The following TSGA10 variants were observed in gnomAD, a reference collection of about 807,000 sequenced individuals.
The protein encoded by TSGA10 is testis specific 10.
In TSGA10, 43 loss-of-function variants were observed where a neutral mutation model predicts 96.6. The observed-to-expected ratio is 0.44, with a 90% CI of 0.35 to 0.57. The LOEUF (loss-of-function observed/expected upper bound fraction) is 0.57, where lower values mean the gene tolerates loss of function less well. TSGA10 is among the 20% of genes least tolerant of loss of function. The pLI, the probability that TSGA10 is intolerant of heterozygous loss-of-function variation, is 0.01. For missense variants in TSGA10, 703 were observed against 834.4 expected, an observed-to-expected ratio of 0.84 and a Z score of 1.94; for synonymous variants, 229 against 269.9, an observed-to-expected ratio of 0.85 and a Z score of 1.48.
At chr2:99,003,392 G>A (rs1334371736) in intron 20 of TSGA10, among the ~76,000 whole-genome samples, 1 of 152,122 alleles carries the variant, frequency 6.6e-6, no homozygotes, top group African/African-American at 2.4e-5. Context: ...ACAGATCAAC[G>A]AGAAAGAAAC....
chr2:99,002,664 T>C (rs1322094296), intron 20 of TSGA10, among the ~76,000 whole-genome samples: 5 of 152,136 alleles, frequency 3.3e-5, no homozygotes, highest in African/African-American at 1.2e-4. Context: ...ATGGGCTAAA[T>C]ACTCCAATTA....
At chr2:99,152,288 C>A (rs1484767166) in intron 1 of TSGA10, among the ~76,000 whole-genome samples, 3 of 152,124 alleles carry the variant, frequency 2.0e-5, no homozygotes, top group African/African-American at 7.2e-5. Flanking sequence ...AGACATACCA[C>A]ATAAAACTGA....
intron 2 of TSGA10, among the ~76,000 whole-genome samples, chr2:99,119,085 T>C (rs1183828632): frequency 1.3e-5 from 2 of 152,198 alleles, no homozygotes; most frequent in African/African-American, 4.8e-5. Context: ...ATTCTTGCCC[T>C]GAGGTTGCCC....
At chr2:99,051,336 G>A (rs1037013960) in intron 16 of TSGA10, among the ~76,000 whole-genome samples, 3 of 152,112 alleles carry the variant, frequency 2.0e-5, no homozygotes, top group Non-Finnish European at 4.4e-5. Flanking sequence ...AGCTGAAGTG[G>A]TTATGATAAT....
intron 3 of TSGA10, 64 bp from the exon 4 acceptor site, chr2:99,117,823 G>T: frequency 1.3e-6 from 1 of 795,112 alleles, no homozygotes; most frequent in Non-Finnish European, 1.5e-6. Flanking sequence ...GGGAGCAGCT[G>T]TGTGACTGGA....
intron 17 of TSGA10, among the ~76,000 whole-genome samples, chr2:99,027,161 A>C (rs1408450721): frequency 6.6e-6 from 1 of 152,216 alleles, no homozygotes; most frequent in African/African-American, 2.4e-5. Context: ...CTGTGGTAAC[A>C]GGCTATGGGC....
intron 1 of TSGA10, among the ~76,000 whole-genome samples, chr2:99,129,259 C>T (rs2092961581): frequency 1.3e-5 from 2 of 152,094 alleles, no homozygotes; most frequent in Non-Finnish European, 2.9e-5. Flanking sequence ...TGGATGTCTT[C>T]CTCACACATT....
At chr2:99,057,240 T>C (rs973720916) in intron 16 of TSGA10, among the ~76,000 whole-genome samples, 1 of 151,870 alleles carries the variant, frequency 6.6e-6, no homozygotes, top group Non-Finnish European at 1.5e-5. Context: ...GGCAAGAAAA[T>C]AAAATAAAAG....
intron 10 of TSGA10, among the ~76,000 whole-genome samples, chr2:99,099,177 T>G (rs997173946): frequency 6.6e-6 from 1 of 152,150 alleles, no homozygotes; most frequent in South Asian, 2.1e-4. Context: ...CTGGGGGTAG[T>G]GGCGCGTGCC....
At position 99,129,827 on chromosome 2, in the gene TSGA10, C is replaced by A. The variant is rs11895749; in HGVS notation, c.-620-2651G>T. On this transcript the variant is annotated intron_variant, in intron 1 of 20. Coordinates refer to ENST00000393483, the MANE Select transcript of TSGA10 (RefSeq NM_025244.4). Reference sequence around the variant, plus strand: ...GACAGGCCCTGGTATATGATGTTCCCCTCCCTGTGTCCATGAGTTCTCACT... The same window carrying A: ...GACAGGCCCTGGTATATGATGTTCCACTCCCTGTGTCCATGAGTTCTCACT... Among the ~76,000 whole-genome samples the A allele has an allele frequency of 9.2e-5, 14 of 152,084 alleles. No homozygotes were observed. In the South Asian group the frequency reaches 2.9e-3, roughly 32 times the overall value.
At chr2:99,058,793 T>C (rs542179789) in intron 16 of TSGA10, among the ~76,000 whole-genome samples, 1 of 151,906 alleles carries the variant, frequency 6.6e-6, no homozygotes, top group East Asian at 1.9e-4. Context: ...ATCCCAGCAC[T>C]TTGGGAGGTT....
chr2:99,066,410 T>C (rs185547833), intron 15 of TSGA10, among the ~76,000 whole-genome samples: 43 of 152,300 alleles, frequency 2.8e-4, no homozygotes, highest in Admixed American at 1.0e-3. Flanking sequence ...TGTATTCACA[T>C]TGATCTTTAC....
intron 1 of TSGA10, among the ~76,000 whole-genome samples, chr2:99,135,722 G>A (rs2105060975): frequency 6.6e-6 from 1 of 152,244 alleles, no homozygotes; most frequent in South Asian, 2.1e-4. Context: ...AAGAGTATCT[G>A]CATTGGCTGG....
chr2:99,026,771 TAAG>T (rs1245756813), intron 17 of TSGA10, among the ~76,000 whole-genome samples: 2 of 152,062 alleles, frequency 1.3e-5, no homozygotes, highest in Non-Finnish European at 2.9e-5. Flanking sequence ...AAGTCATACT[TAAG>T]GAGGTAAAGT....
At chr2:99,119,595 C>T (rs1434236323) in intron 2 of TSGA10, among the ~76,000 whole-genome samples, 1 of 152,022 alleles carries the variant, frequency 6.6e-6, no homozygotes, top group South Asian at 2.1e-4. Context: ...CAAGGAAAAC[C>T]CTACTTAGGC....
At chr2:99,141,064 GC>G in intron 1 of TSGA10, 1 of 1,275,686 alleles carries the variant, frequency 7.8e-7, no homozygotes, top group Non-Finnish European at 1.0e-6. Context: ...CCCACCCCGC[GC>G]ACCTCCGCAG....
intron 1 of TSGA10, among the ~76,000 whole-genome samples, chr2:99,133,321 C>T (rs189212203): frequency 1.3e-5 from 2 of 152,248 alleles, no homozygotes; most frequent in East Asian, 1.9e-4. Context: ...TTGCATTGAT[C>T]CCTTAACCAT....
At chr2:99,030,549 G>A (rs1345663647) in intron 17 of TSGA10, among the ~76,000 whole-genome samples, 2 of 151,428 alleles carry the variant, frequency 1.3e-5, no homozygotes, top group African/African-American at 4.9e-5. Context: ...TACTTGGGAG[G>A]CTGAGGTGAA....
In TSGA10 at chr2:99,083,490, T is replaced by C. The variant is rs1288395935; in HGVS notation, c.612-2093A>G. On this transcript the variant is annotated intron_variant, in intron 10 of 20. Transcript: ENST00000393483. ...CGAAAAACACCCCCAAAAAATAACA[T>C]GGAGAATTGAGCCCTACCAATAATT... 3.9e-5 allele frequency among the ~76,000 whole-genome samples: 6 copies of C among 151,966 alleles called. No individual in the cohort carries two copies. The East Asian group carries it at 7.7e-4, about 20-fold the overall frequency.
Sources: allele counts gnomAD v4.1 joint callset (sites outside exome capture counted in the v4.1 genomes callset), GRCh38; gene constraint gnomAD v4.1.1; transcripts MANE v1.5; gene names NCBI Gene and HGNC (gene_info 2026-07-23, HGNC 2026-07-21).